The following MGAT5 variants were observed in gnomAD, a reference collection of about 807,000 sequenced individuals.
MGAT5 encodes alpha-1,6-mannosylglycoprotein 6-beta-N-acetylglucosaminyltransferase A.
A neutral mutation model predicts 94.3 loss-of-function variants in MGAT5; 30 were observed. The observed-to-expected ratio is 0.32, with a 90% CI of 0.24 to 0.43. MGAT5 has a LOEUF of 0.43. Among genes scored for constraint, MGAT5 ranks in the 20% least tolerant of loss-of-function variants. MGAT5 has a pLI of 1.00. For synonymous variants in MGAT5, 310 were observed against 322.9 expected, an observed-to-expected ratio of 0.96 and a Z score of 0.43; for missense variants, 691 against 905.5, an observed-to-expected ratio of 0.76 and a Z score of 3.04.
Position 134,219,237 on chromosome 2 carries a change from T to C in MGAT5, c.-142-35025T>C, listed in dbSNP as rs187360336. Among the ~76,000 whole-genome samples the C allele has an allele frequency of 1.3e-3, 201 of 152,154 alleles. 1 individual carries two copies. Among genetic ancestry groups the C allele is most frequent in the African/African-American group, 4.5e-3 (187 of 41,518 alleles). On this transcript the variant is annotated intron_variant, in intron 1 of 16. Coordinates refer to the MGAT5 transcript ENST00000409645. The stretch of plus-strand genomic sequence containing the variant: ...AGCGAGAAAGCAAGAAGAGAGCACA[T>C]GTGGCAGGTGCAGAGGGGCCCAAGG...
chr2:134,126,118 G>A (rs578050269), intron 1 of MGAT5, among the ~76,000 whole-genome samples: 2 of 152,312 alleles, frequency 1.3e-5, no homozygotes, highest in African/African-American at 2.4e-5. Context: ...ACCCAAGATC[G>A]CCATACTTTG....
intron 10 of MGAT5, among the ~76,000 whole-genome samples, chr2:134,394,039 A>C (rs549920716): frequency 1.9e-4 from 29 of 152,268 alleles, no homozygotes; most frequent in Admixed American, 5.2e-4. Context: ...CATCCCATAG[A>C]AGTGGGCCCT....
At chr2:134,326,055 T>C (rs74637414) in intron 4 of MGAT5, among the ~76,000 whole-genome samples, 52 of 151,034 alleles carry the variant, frequency 3.4e-4, no homozygotes, top group African/African-American at 9.4e-4. Context: ...TCTCTCTCTT[T>C]TTTTTTTTTT....
At chr2:134,322,388 T>A (rs1453749802) in intron 4 of MGAT5, among the ~76,000 whole-genome samples, 1 of 152,206 alleles carries the variant, frequency 6.6e-6, no homozygotes, top group African/African-American at 2.4e-5. Context: ...ACAACGTTTG[T>A]ATGTATTCAT....
chr2:134,280,016 G>A (rs1237165702), intron 2 of MGAT5, among the ~76,000 whole-genome samples: 1 of 152,160 alleles, frequency 6.6e-6, no homozygotes, highest in Non-Finnish European at 1.5e-5. Flanking sequence ...TTTTGAAAAG[G>A]TTTTGTAGGT....
At chr2:134,224,229 TA>T (rs1434431942) in intron 1 of MGAT5, among the ~76,000 whole-genome samples, 1 of 152,204 alleles carries the variant, frequency 6.6e-6, no homozygotes, top group Non-Finnish European at 1.5e-5. Flanking sequence ...TGGGTCCTAT[TA>T]GCAGGCGTTT....
At chr2:134,414,859 C>G (rs1391376914) in intron 12 of MGAT5, among the ~76,000 whole-genome samples, 1 of 152,196 alleles carries the variant, frequency 6.6e-6, no homozygotes, top group African/African-American at 2.4e-5. Context: ...CTAGGCTGGT[C>G]TGCATGTGGG....
At chr2:134,311,988 G>T (rs1465646761) in intron 2 of MGAT5, among the ~76,000 whole-genome samples, 1 of 152,180 alleles carries the variant, frequency 6.6e-6, no homozygotes, top group African/African-American at 2.4e-5. Context: ...AGTGGCTTAT[G>T]CCTGTAATCC....
At chr2:134,343,499 G>T (rs796341202) in intron 7 of MGAT5, among the ~76,000 whole-genome samples, 7 of 152,316 alleles carry the variant, frequency 4.6e-5, no homozygotes, top group African/African-American at 1.7e-4. Flanking sequence ...TGTGGAAGCA[G>T]TATAGAGCAG....
At chr2:134,386,983 C>G (rs115958402) in intron 10 of MGAT5, among the ~76,000 whole-genome samples, 1 of 151,772 alleles carries the variant, frequency 6.6e-6, no homozygotes, top group East Asian at 1.9e-4. Context: ...ATGTATGAGC[C>G]GGGTGCGGTG....
intron 10 of MGAT5, among the ~76,000 whole-genome samples, chr2:134,394,781 A>G (rs555655718): frequency 6.6e-6 from 1 of 152,328 alleles, no homozygotes; most frequent in East Asian, 1.9e-4. Flanking sequence ...CAACTCTCAC[A>G]GGATGGTCCT....
chr2:134,440,749 T>C (rs566597069), intron 14 of MGAT5, among the ~76,000 whole-genome samples: 1 of 150,900 alleles, frequency 6.6e-6, no homozygotes, highest in Non-Finnish European at 1.5e-5. Context: ...ATGTTAGTGA[T>C]TGATTGATAG....
rs146741234 is a variant in MGAT5 at position 134,405,673 on chromosome 2, C to T, written c.1530+2536C>T. 1.0e-3 allele frequency among the ~76,000 whole-genome samples: 159 copies of T among 152,324 alleles called. 2 individuals are homozygous for T. Among genetic ancestry groups the T allele is most frequent in the African/African-American group, 3.7e-3 (153 of 41,574 alleles). On this transcript the variant is annotated intron_variant, in intron 11 of 15. Transcript: ENST00000281923. ...ATGGGATTCACACACTTCTTGGACT[C>T]CTTACTGGCAAGAGAAGCAGGGCTG...
chr2:134,207,166 A>G (rs908366656), intron 1 of MGAT5, among the ~76,000 whole-genome samples: 2 of 152,092 alleles, frequency 1.3e-5, no homozygotes, highest in Non-Finnish European at 1.5e-5. Flanking sequence ...AGTCTTTGAC[A>G]CTTTTTAGAT....
intron 1 of MGAT5, among the ~76,000 whole-genome samples, chr2:134,174,348 C>T (rs572987315): frequency 6.6e-6 from 1 of 152,338 alleles, no homozygotes; most frequent in South Asian, 2.1e-4. Context: ...AGAGAAAGGG[C>T]AGAATTGGAA....
At chr2:134,280,804 G>A (rs1475974630) in intron 2 of MGAT5, among the ~76,000 whole-genome samples, 1 of 152,220 alleles carries the variant, frequency 6.6e-6, no homozygotes, top group African/African-American at 2.4e-5. Context: ...ACACACTCAA[G>A]GTGCTGGGCA....
chr2:134,151,862 A>T (rs1434016571), intron 1 of MGAT5, among the ~76,000 whole-genome samples: 7 of 120,248 alleles, frequency 5.8e-5, no homozygotes, highest in Non-Finnish European at 9.9e-5. Flanking sequence ...GCTTACCGCC[A>T]TGGGACCTCA....
intron 4 of MGAT5, among the ~76,000 whole-genome samples, chr2:134,332,683 T>C (rs1484347154): frequency 6.6e-6 from 1 of 152,174 alleles, no homozygotes. Context: ...TTTCACAACC[T>C]ACTCATCTGA....
chr2:134,430,045 C>T (rs964083390), intron 14 of MGAT5, among the ~76,000 whole-genome samples: 1 of 152,190 alleles, frequency 6.6e-6, no homozygotes, highest in African/African-American at 2.4e-5. Context: ...CTTTGCTTCC[C>T]GTCTTCTTGC....
Sources: gnomAD v4.1 joint callset for allele counts (sites outside exome capture counted in the v4.1 genomes callset) on GRCh38, gnomAD v4.1.1 for gene constraint, MANE v1.5 for transcripts, NCBI Gene and HGNC (gene_info 2026-07-23, HGNC 2026-07-21) for gene names.